FBXL7: variants seen among roughly 807,000 people sequenced by gnomAD.
The protein encoded by FBXL7 is F-box and leucine rich repeat protein 7.
A neutral mutation model predicts 38.3 loss-of-function variants in FBXL7; 12 were observed. The ratio of observed to expected loss-of-function variants is 0.31; its 90% CI spans 0.20 to 0.51. The LOEUF (loss-of-function observed/expected upper bound fraction) is 0.51. FBXL7 is among the 20% of genes least tolerant of loss of function. FBXL7 has a pLI of 0.98. For synonymous variants in FBXL7, 297 were observed against 300.9 expected, an observed-to-expected ratio of 0.99 and a Z score of 0.13; for missense variants, 567 against 676.4, an observed-to-expected ratio of 0.84 and a Z score of 1.79.
At chr5:15,539,016 G>A (rs974317793) in intron 1 of FBXL7, among the ~76,000 whole-genome samples, 26 of 152,216 alleles carry the variant, frequency 1.7e-4, no homozygotes, top group Admixed American at 1.4e-3. Flanking sequence ...GAAAAAACAC[G>A]TGCACTTTTT....
At chr5:15,722,963 G>GA (rs1166622686) in intron 2 of FBXL7, among the ~76,000 whole-genome samples, 4 of 149,502 alleles carry the variant, frequency 2.7e-5, no homozygotes, top group East Asian at 2.0e-4. Context: ...AAACAACCTG[G>GA]AAAAAAATCA....
At chr5:15,546,176 T>C (rs1477787408) in intron 1 of FBXL7, among the ~76,000 whole-genome samples, 1 of 152,228 alleles carries the variant, frequency 6.6e-6, no homozygotes, top group Non-Finnish European at 1.5e-5. Context: ...ACGCCTGTAA[T>C]CCCAGCACTT....
chr5:15,780,158 A>G (rs374263467), intron 2 of FBXL7, among the ~76,000 whole-genome samples: 13 of 152,164 alleles, frequency 8.5e-5, no homozygotes, highest in East Asian at 3.8e-4. Context: ...CTGTGTCTAT[A>G]TATTTTTTTC....
At position 15,769,751 on chromosome 5, in the gene FBXL7, T is replaced by C. The variant is rs191797093; in HGVS notation, c.127+153679T>C. On this transcript the variant is annotated intron_variant, in intron 2 of 3. Transcript: ENST00000504595. ...TTCTGGACACGAAAAAAAAAAACAC[T>C]GGTGAGCAGTTGGCTAAATTTGAAT... Among the ~76,000 whole-genome samples, 9 of 147,052 alleles carry C rather than the reference T, an allele frequency of 6.1e-5. No homozygotes were observed. The Admixed American group carries it at 6.1e-4, about 10-fold the overall frequency.
At chr5:15,643,416 C>T (rs1741431143) in intron 2 of FBXL7, among the ~76,000 whole-genome samples, 1 of 152,184 alleles carries the variant, frequency 6.6e-6, no homozygotes, top group East Asian at 1.9e-4. Flanking sequence ...TTAAAAGAAA[C>T]ACACACTGGG....
chr5:15,834,300 A>G (rs1738532567), intron 2 of FBXL7, among the ~76,000 whole-genome samples: 1 of 152,212 alleles, frequency 6.6e-6, no homozygotes, highest in African/African-American at 2.4e-5. Flanking sequence ...GTGATGTTAC[A>G]TGTTAATATG....
At chr5:15,771,915 G>A (rs1736739763) in intron 2 of FBXL7, among the ~76,000 whole-genome samples, 1 of 151,410 alleles carries the variant, frequency 6.6e-6, no homozygotes, top group African/African-American at 2.4e-5. Flanking sequence ...TTACAGGCGT[G>A]TGCCACCACA....
At position 15,818,703 on chromosome 5, in the gene FBXL7, CGTGTGTGT is replaced by C. The variant is rs3222099; in HGVS notation, c.128-109153_128-109146del. Among the ~76,000 whole-genome samples the C allele has an allele frequency of 3.2e-3, 379 of 116,828 alleles. 2 individuals are homozygous for C. The highest frequency in any genetic ancestry group is 0.011 in the African/African-American group (359 of 32,256). 76.6% of individuals were successfully genotyped at this position (116,828 alleles called of 152,430 possible). ...AGTTAATCTGAATGTCCCATTATTT[CGTGTGTGT>C]GTGTGTGTGTGTGTGTGTGTGTGTG... On this transcript the variant is annotated intron_variant, in intron 2 of 3. Coordinates refer to ENST00000504595, the MANE Select transcript of FBXL7 (RefSeq NM_012304.5).
At chr5:15,535,596 T>C (rs1737562088) in intron 1 of FBXL7, among the ~76,000 whole-genome samples, 1 of 152,186 alleles carries the variant, frequency 6.6e-6, no homozygotes, top group African/African-American at 2.4e-5. Context: ...ATTTAGGGCA[T>C]CTGGTGGAGG....
At chr5:15,857,558 G>GGTAT (rs2126801996) in intron 2 of FBXL7, among the ~76,000 whole-genome samples, 1 of 152,240 alleles carries the variant, frequency 6.6e-6, no homozygotes, top group Admixed American at 6.5e-5. Flanking sequence ...GTTTCCAAGA[G>GGTAT]GTATTCCAAC....
chr5:15,921,712 T>C (rs1741746504), intron 2 of FBXL7, among the ~76,000 whole-genome samples: 1 of 152,144 alleles, frequency 6.6e-6, no homozygotes, highest in Admixed American at 6.5e-5. Context: ...TCTAAAGATG[T>C]CATAAAAGTG....
intron 2 of FBXL7, among the ~76,000 whole-genome samples, chr5:15,617,775 A>G (rs1379100559): frequency 6.6e-6 from 1 of 152,148 alleles, no homozygotes; most frequent in Non-Finnish European, 1.5e-5. Flanking sequence ...CTTAGGAGCC[A>G]TAGTGGAAAT....
intron 2 of FBXL7, among the ~76,000 whole-genome samples, chr5:15,825,297 C>T: frequency 6.6e-6 from 1 of 151,370 alleles, no homozygotes. Context: ...TACTAAAAAC[C>T]AAAGAAAGTT....
chr5:15,670,247 G>A (rs1334390178), intron 2 of FBXL7, among the ~76,000 whole-genome samples: 4 of 152,172 alleles, frequency 2.6e-5, no homozygotes, highest in Non-Finnish European at 5.9e-5. Flanking sequence ...ATGAAGCACA[G>A]AAATTAAGTT....
chr5:15,525,405 T>A (rs1737224281), intron 1 of FBXL7, among the ~76,000 whole-genome samples: 1 of 152,240 alleles, frequency 6.6e-6, no homozygotes, highest in South Asian at 2.1e-4. Context: ...CGTTTTATTG[T>A]GATACCTTAG....
At chr5:15,883,673 T>C (rs1018458327) in intron 2 of FBXL7, among the ~76,000 whole-genome samples, 1 of 152,198 alleles carries the variant, frequency 6.6e-6, no homozygotes, top group African/African-American at 2.4e-5. Context: ...CCAGTTTTAT[T>C]GATCACTCAG....
At chr5:15,812,939 A>T (rs143736370) in intron 2 of FBXL7, among the ~76,000 whole-genome samples, 81,404 of 151,828 alleles carry the variant, frequency 0.54, 23,013 homozygotes, top group Non-Finnish European at 0.64. Context: ...TTTGTCTGTT[A>T]TTGGTGTATA....
intron 1 of FBXL7, among the ~76,000 whole-genome samples, chr5:15,566,296 C>T (rs1193202815): frequency 1.3e-5 from 2 of 152,092 alleles, no homozygotes; most frequent in African/African-American, 4.8e-5. Flanking sequence ...TGCTCCGCTG[C>T]CTTTTTTATT....
intron 2 of FBXL7, among the ~76,000 whole-genome samples, chr5:15,696,651 A>G (rs765272882): frequency 5.9e-5 from 9 of 152,216 alleles, no homozygotes; most frequent in Non-Finnish European, 1.2e-4. Flanking sequence ...TGTATTAAAT[A>G]AATGCTCAAT....
Sources: allele counts gnomAD v4.1 joint callset (sites outside exome capture counted in the v4.1 genomes callset), GRCh38; gene constraint gnomAD v4.1.1; transcripts MANE v1.5; gene names NCBI Gene and HGNC (gene_info 2026-07-23, HGNC 2026-07-21).